The following USP6NL variants were observed in gnomAD, a reference collection of about 807,000 sequenced individuals.
The protein encoded by USP6NL is USP6 N-terminal like, also known as USP6 N-terminal-like protein.
USP6NL carries 26 observed loss-of-function variants against 61.9 expected under a neutral mutation model. The observed-to-expected ratio is 0.42, with a 90% CI of 0.31 to 0.58. The LOEUF (loss-of-function observed/expected upper bound fraction) is 0.58, where lower values mean the gene tolerates loss of function less well. USP6NL is among the 20% of genes least tolerant of loss of function. USP6NL has a pLI of 0.16. For missense variants in USP6NL, 1,114 were observed against 1,034.3 expected (o/e 1.08, Z -1.06); for synonymous variants, 432 against 390.1 (o/e 1.11, Z -1.27).
Position 11,575,412 on chromosome 10 carries a change from G to A in USP6NL, c.4+22219C>T, listed in dbSNP as rs1171973196. On this transcript the variant is annotated intron_variant, in intron 2 of 14. Transcript: ENST00000609104. This position sits in a 1 kb window ranked among gnomAD's most constrained non-coding sequence, Gnocchi z 4.2. ...TCTTCTGGAGAGAAGATCTTTGGAA[G>A]GTACTGTTTTGACAGGTAACTTTCC... Among the ~76,000 whole-genome samples, 4 of 152,182 alleles carry A rather than the reference G, an allele frequency of 2.6e-5. No homozygotes were observed. The highest frequency in any genetic ancestry group is 9.7e-5 in the African/African-American group (4 of 41,446).
intron 6 of USP6NL, among the ~76,000 whole-genome samples, chr10:11,504,932 C>A (rs1342881521): frequency 6.6e-6 from 1 of 152,184 alleles, no homozygotes; most frequent in East Asian, 1.9e-4. Flanking sequence ...CTGTCGAGAT[C>A]TGTGAGAGAA....
intron 1 of USP6NL, among the ~76,000 whole-genome samples, chr10:11,608,007 A>T (rs978892975): frequency 1.4e-4 from 21 of 152,294 alleles, no homozygotes; most frequent in African/African-American, 4.8e-4. Flanking sequence ...GTAACTCCTG[A>T]TCTTTCTGTA....
rs756382798 is a variant in USP6NL, at chr10:11,463,370, G to T, written c.1558C>A (p.Pro520Thr). Residue 520 changes from proline to threonine, a missense_variant, in exon 15 of 15, where the codon CCA (proline) becomes ACA (threonine). Coordinates refer to ENST00000609104, the MANE Select transcript of USP6NL (RefSeq NM_014688.5). This position sits in a 1 kb window ranked among gnomAD's most constrained non-coding sequence, Gnocchi z 6.3. ...AAHPALAVTV[P>T]GPAEVRVSNV... ...GACACCCGCACCTCGGCAGGACCTG[G>T]GACGGTAACTGCGAGCGCGGGGTGC... is the stretch of plus-strand genomic sequence containing the variant. 2 of 1,614,012 alleles carry T rather than the reference G, an allele frequency of 1.2e-6. No individual in the cohort carries two copies. The highest frequency in any genetic ancestry group is 4.5e-5 in the East Asian group (2 of 44,880).
At chr10:11,541,583 A>G (rs150051030) in intron 2 of USP6NL, among the ~76,000 whole-genome samples, 1 of 152,270 alleles carries the variant, frequency 6.6e-6, no homozygotes, top group East Asian at 1.9e-4. Context: ...GAATCTGTCA[A>G]CAAGGATCCT....
At chr10:11,550,688 C>T (rs756688008) in intron 2 of USP6NL, among the ~76,000 whole-genome samples, 5 of 151,756 alleles carry the variant, frequency 3.3e-5, no homozygotes, top group Non-Finnish European at 5.9e-5. Context: ...ACCTGGGAGG[C>T]GGAGGCTGCA....
At position 11,598,722 on chromosome 10, in the gene USP6NL, C is replaced by T. The variant is rs1420637773; in HGVS notation, c.-83-1005G>A. 6.6e-6 allele frequency among the ~76,000 whole-genome samples: 1 copy of T among 152,198 alleles called. No individual in the cohort carries two copies. The highest frequency in any genetic ancestry group is 6.5e-5 in the Admixed American group (1 of 15,272). On this transcript the variant is annotated intron_variant, in intron 1 of 14. Coordinates refer to ENST00000609104, the MANE Select transcript of USP6NL (RefSeq NM_014688.5). This position sits in a 1 kb window ranked among gnomAD's most constrained non-coding sequence, Gnocchi z 4.7. ...AATCAATTAAGAAAACAGTATACTA[C>T]TACTAGAGACCTCTGCTTTAGAATC...
chr10:11,567,477 C>T (rs989815476), intron 2 of USP6NL, among the ~76,000 whole-genome samples: 1 of 152,140 alleles, frequency 6.6e-6, no homozygotes, highest in Non-Finnish European at 1.5e-5. Flanking sequence ...CTAACTCTAC[C>T]CACAACATAC....
chr10:11,544,505 A>C (rs1459572783), intron 2 of USP6NL, among the ~76,000 whole-genome samples: 1 of 150,850 alleles, frequency 6.6e-6, no homozygotes, highest in Non-Finnish European at 1.5e-5. Context: ...TTTTTTTTTT[A>C]AGACAGAATT....
At position 11,561,061 on chromosome 10, in the gene USP6NL, T is replaced by C. The variant is rs1251660419; in HGVS notation, c.5-33494A>G. Reference sequence around the variant, plus strand: ...TCGAGCATACTCAAGCAGCCCTGAATATCTCATTAGGCCCTGAGTTGCAAA... The same window carrying C: ...TCGAGCATACTCAAGCAGCCCTGAACATCTCATTAGGCCCTGAGTTGCAAA... On this transcript the variant is annotated intron_variant, in intron 2 of 14. Transcript: ENST00000609104. This position sits in a 1 kb window ranked among gnomAD's most constrained non-coding sequence, Gnocchi z 4.1. 1.3e-5 allele frequency among the ~76,000 whole-genome samples: 2 copies of C among 152,198 alleles called. No individual in the cohort carries two copies. Among genetic ancestry groups the C allele is most frequent in the Admixed American group, 6.5e-5 (1 of 15,284 alleles).
chr10:11,477,395 T>A (rs1018180490), intron 14 of USP6NL, among the ~76,000 whole-genome samples: 3 of 152,144 alleles, frequency 2.0e-5, no homozygotes, highest in African/African-American at 7.2e-5. Context: ...TACATAAATA[T>A]ATTAAGAAAC....
Position 11,463,731 on chromosome 10 carries a change from G to C in USP6NL, c.1197C>G (p.Ala399=), listed in dbSNP as rs752254425. The change falls in exon 15 of 15, where the codon GCC becomes GCG. Residue 399 remains alanine, a synonymous_variant. Coordinates refer to ENST00000609104, the MANE Select transcript of USP6NL (RefSeq NM_014688.5). The surrounding 1 kb of genome is among the most constrained non-coding windows in gnomAD (Gnocchi z 6.3). The part of the protein sequence containing the change: ...QRSVGRPSPL[A]SGRRESGAPH... ...GCGCCCCGCTCTCCCTCCTGCCGCT[G>C]GCCAGCGGGCTCGGCCGGCCCACGC... is the stretch of plus-strand genomic sequence containing the variant. The C allele has an allele frequency of 6.2e-7, 1 of 1,606,578 alleles. No individual in the cohort carries two copies. The highest frequency in any genetic ancestry group is 1.1e-5 in the South Asian group (1 of 90,400).
Position 11,540,790 on chromosome 10 carries a change from A to C in USP6NL, c.5-13223T>G, listed in dbSNP as rs942860244. Among the ~76,000 whole-genome samples, 1 of 152,152 alleles carries C rather than the reference A, an allele frequency of 6.6e-6. No individual in the cohort carries two copies. Among genetic ancestry groups the C allele is most frequent in the African/African-American group, 2.4e-5 (1 of 41,416 alleles). On this transcript the variant is annotated intron_variant, in intron 2 of 14. Transcript: ENST00000609104. The surrounding 1 kb of genome is among the most constrained non-coding windows in gnomAD (Gnocchi z 5.0). ...AAAATGACACTCAAAAACAAGAACGAGGTATTGCCTAGAACAACTGAGAAG... is the reference window on the plus strand; with the variant it reads ...AAAATGACACTCAAAAACAAGAACGCGGTATTGCCTAGAACAACTGAGAAG...
In USP6NL at chr10:11,462,493, T is replaced by C. The variant is rs770057017; in HGVS notation, c.2435A>G (p.Tyr812Cys). 1 of 1,613,880 alleles carries C rather than the reference T, an allele frequency of 6.2e-7. No homozygotes were observed. ...YPYSGPPPPA[Y>C]HYRNRDGLSI... ...AAGCCCGTCCCGATTCCTGTAGTGGTAGGCTGGAGGCGGGGGCCCTGAATA... is the reference window on the plus strand; with the variant it reads ...AAGCCCGTCCCGATTCCTGTAGTGGCAGGCTGGAGGCGGGGGCCCTGAATA... The change falls in exon 15 of 15, where the codon TAC (tyrosine) becomes TGC (cysteine). Residue 812 changes from tyrosine (Y) to cysteine (C), a missense_variant. Tyr to Cys is a radical substitution (Grantham distance 194). Transcript: ENST00000609104.
rs575126775 is a variant in USP6NL at position 11,537,300 on chromosome 10, C to T, written c.5-9733G>A. On this transcript the variant is annotated intron_variant, in intron 2 of 14. Transcript: ENST00000609104. This position sits in a 1 kb window ranked among gnomAD's most constrained non-coding sequence, Gnocchi z 5.1. ...CTAATACTTGTATTTTTTGTCGAGACGGGATTTTGCCATGTTGCCCTGGCT... is the reference window on the plus strand; with the variant it reads ...CTAATACTTGTATTTTTTGTCGAGATGGGATTTTGCCATGTTGCCCTGGCT... Among the ~76,000 whole-genome samples, 9 of 152,186 alleles carry T rather than the reference C, an allele frequency of 5.9e-5. No homozygotes were observed. The highest frequency in any genetic ancestry group is 3.4e-3 in the Middle Eastern group (1 of 294).
At position 11,484,100 on chromosome 10, in the gene USP6NL, G is replaced by A. The variant is rs948120758; in HGVS notation, c.925+871C>T. 1.4e-4 allele frequency among the ~76,000 whole-genome samples: 21 copies of A among 152,284 alleles called. No homozygotes were observed. The South Asian group carries it at 1.5e-3, about 11-fold the overall frequency. On this transcript the variant is annotated intron_variant, in intron 13 of 14. Transcript: ENST00000609104. ...TTAGTTTATAATTTAGTTGGGAAGC[G>A]CAACAGATCATTCAAGAATAACCTA...
intron 10 of USP6NL, among the ~76,000 whole-genome samples, chr10:11,486,497 A>G (rs1027223328): frequency 6.6e-6 from 1 of 152,170 alleles, no homozygotes; most frequent in African/African-American, 2.4e-5. Context: ...ATCTATATCT[A>G]AGAAGTAACA....
chr10:11,502,397 C>CA (rs1187962325), intron 6 of USP6NL, among the ~76,000 whole-genome samples: 1 of 152,070 alleles, frequency 6.6e-6, no homozygotes, highest in Non-Finnish European at 1.5e-5. Context: ...TCTAATTACT[C>CA]AAAATAACAT....
intron 2 of USP6NL, 92 bp from the exon 3 acceptor site, chr10:11,527,659 T>C (rs1479073347): frequency 4.4e-5 from 49 of 1,107,792 alleles, no homozygotes; most frequent in Non-Finnish European, 5.7e-5. Context: ...AAACAAAAAA[T>C]AAATACTGCC....
At chr10:11,539,027 G>T (rs1183684205) in intron 2 of USP6NL, among the ~76,000 whole-genome samples, 1 of 152,156 alleles carries the variant, frequency 6.6e-6, no homozygotes, top group Non-Finnish European at 1.5e-5. Flanking sequence ...ATGCAGCGAG[G>T]GCAGCGCTCC....
Sources: gnomAD v4.1 joint callset for allele counts (sites outside exome capture counted in the v4.1 genomes callset) on GRCh38, gnomAD v4.1.1 for gene constraint, Gnocchi (gnomAD v3.1) non-coding constraint, MANE v1.5 for transcripts, NCBI Gene and HGNC (gene_info 2026-07-23, HGNC 2026-07-21) for gene names.